ABCG1: variants seen among roughly 807,000 people sequenced by gnomAD.
ABCG1 encodes ATP-binding cassette sub-family G member 1.
A neutral mutation model predicts 69.2 loss-of-function variants in ABCG1; 29 were observed. That is an observed-to-expected ratio of 0.42 (90% CI 0.31 to 0.57). ABCG1 has a LOEUF of 0.57. ABCG1 is among the 20% of genes least tolerant of loss of function. The pLI, the probability that ABCG1 is intolerant of heterozygous loss-of-function variation, is 0.15. For synonymous variants in ABCG1, 370 were observed against 374.8 expected (o/e 0.99, Z 0.15); for missense variants, 718 against 898.1 (o/e 0.80, Z 2.56).
intron 2 of ABCG1, among the ~76,000 whole-genome samples, chr21:42,239,423 A>G (rs2123588656): frequency 6.6e-6 from 1 of 152,370 alleles, no homozygotes; most frequent in South Asian, 2.1e-4. Context: ...CTCATTCTAA[A>G]TGTGAAGTGT....
chr21:42,228,924 G>T (rs569687271), intron 2 of ABCG1, among the ~76,000 whole-genome samples: 3 of 152,248 alleles, frequency 2.0e-5, no homozygotes, highest in Non-Finnish European at 2.9e-5. Flanking sequence ...ATAACAGTGC[G>T]CATTAAATGC....
At chr21:42,224,712 A>G (rs2123517642) in intron 1 of ABCG1, among the ~76,000 whole-genome samples, 1 of 152,332 alleles carries the variant, frequency 6.6e-6, no homozygotes, top group East Asian at 1.9e-4. Flanking sequence ...AGCAAGAAAA[A>G]GCACAGCAAT....
chr21:42,284,640 C>A lies in ABCG1; in HGVS notation c.815C>A (p.Thr272Asn). ...CAAGGGGGTCGCTCCATCATTTGCA[C>A]CATCCACCAGCCCAGCGCCAAACTC... ...LAQGGRSIICTIHQPSAKLFE... is the reference protein window; with the variant it reads ...LAQGGRSIICNIHQPSAKLFE... Residue 272 changes from threonine (T) to asparagine (N), a missense_variant, in exon 7 of 15, where the codon ACC becomes AAC. Coordinates refer to ENST00000398449, the MANE Select transcript of ABCG1 (RefSeq NM_016818.3). 6.2e-7 allele frequency: 1 copy of A among 1,613,980 alleles called. No individual in the cohort carries two copies. The highest frequency in any genetic ancestry group is 1.6e-4 in the Middle Eastern group (1 of 6,062).
Position 42,288,301 on chromosome 21 carries a change from A to G in ABCG1, c.1213A>G (p.Met405Val). ...ILFKRTFLSI[M>V]RDSVLTHLRI... ...CTTCAAGAGGACCTTCCTCAGCATC[A>G]TGAGGGACTCGGTAAGGCTGCCCGC... Residue 405 changes from methionine to valine, a missense_variant, in exon 10 of 15, where the codon ATG (methionine) becomes GTG (valine). Transcript: ENST00000398449. The surrounding 1 kb of genome is among the most constrained non-coding windows in gnomAD (Gnocchi z 4.8). The G allele has an allele frequency of 1.2e-6, 2 of 1,604,454 alleles. No individual in the cohort carries two copies. The highest frequency in any genetic ancestry group is 1.7e-6 in the Non-Finnish European group (2 of 1,174,718).
intron 11 of ABCG1, among the ~76,000 whole-genome samples, chr21:42,290,890 C>G (rs557187734): frequency 6.6e-6 from 1 of 152,310 alleles, no homozygotes; most frequent in African/African-American, 2.4e-5. Context: ...CATCCTGATT[C>G]TCCACTCAAT....
chr21:42,241,977 C>CG (rs758561990), intron 2 of ABCG1, among the ~76,000 whole-genome samples: 13 of 94,256 alleles, frequency 1.4e-4, no homozygotes, highest in Non-Finnish European at 2.4e-4. Context: ...GACCCTGTCT[C>CG]AAAAAAAAAA....
intron 2 of ABCG1, 107 bp downstream of exon 2, chr21:42,226,021 C>CCATCTTTCAAGATGGAACTGTTT: frequency 7.7e-7 from 1 of 1,296,350 alleles, no homozygotes; most frequent in Non-Finnish European, 1.1e-6. Flanking sequence ...CTGAGCTTCT[C>CCATCTTTCAAGATGGAACTGTTT]TTCCCAACGC....
intron 2 of ABCG1, among the ~76,000 whole-genome samples, chr21:42,233,056 A>C (rs1475453908): frequency 6.6e-6 from 1 of 152,236 alleles, no homozygotes; most frequent in Non-Finnish European, 1.5e-5. Context: ...CAATGTACCC[A>C]GTGCCGACTG....
At chr21:42,280,688 G>A (rs2068792541) in intron 5 of ABCG1, among the ~76,000 whole-genome samples, 1 of 152,210 alleles carries the variant, frequency 6.6e-6, no homozygotes, top group Non-Finnish European at 1.5e-5. Flanking sequence ...CACCCACAGC[G>A]GCCTCCGCTT....
intron 2 of ABCG1, chr21:42,259,353 G>A (rs1189987103): frequency 6.5e-7 from 1 of 1,550,122 alleles, no homozygotes; most frequent in Non-Finnish European, 8.7e-7. Context: ...TTTAGCTTCT[G>A]CTAAACTGGA....
chr21:42,271,746 G>A (rs751206092), intron 3 of ABCG1, among the ~76,000 whole-genome samples: 12 of 152,256 alleles, frequency 7.9e-5, no homozygotes, highest in Admixed American at 1.3e-4. Flanking sequence ...TTAGCTGGGC[G>A]TGGTGGCAGG....
intron 2 of ABCG1, among the ~76,000 whole-genome samples, chr21:42,242,883 C>T (rs1198424579): frequency 6.6e-6 from 1 of 152,096 alleles, no homozygotes; most frequent in South Asian, 2.1e-4. Flanking sequence ...GCTGCACCCC[C>T]GGGGGTCTGA....
chr21:42,246,695 C>A (rs776470474), intron 2 of ABCG1, among the ~76,000 whole-genome samples: 2 of 152,028 alleles, frequency 1.3e-5, no homozygotes, highest in African/African-American at 2.4e-5. Flanking sequence ...AGGAAAAGAC[C>A]TTAAAGATTC....
intron 2 of ABCG1, chr21:42,256,220 C>T: frequency 6.9e-7 from 1 of 1,449,662 alleles, no homozygotes; most frequent in Non-Finnish European, 9.1e-7. Context: ...AGTGGTTTCC[C>T]ATACAAGAAA....
chr21:42,279,511 C>T (rs559753776), intron 5 of ABCG1, among the ~76,000 whole-genome samples: 5 of 152,212 alleles, frequency 3.3e-5, no homozygotes, highest in African/African-American at 7.2e-5. Flanking sequence ...TGCCCCGAGC[C>T]GAGCTTCACC....
At chr21:42,277,039 T>A in intron 5 of ABCG1, 94 bp downstream of exon 5, 1 of 1,376,690 alleles carries the variant, frequency 7.3e-7, no homozygotes, top group East Asian at 2.3e-5. Context: ...CATTGGCTTT[T>A]GTTTGTTGAT....
chr21:42,239,924 T>G (rs1288428858), intron 2 of ABCG1, among the ~76,000 whole-genome samples: 1 of 152,210 alleles, frequency 6.6e-6, no homozygotes, highest in East Asian at 1.9e-4. Flanking sequence ...AAGGTTCCCC[T>G]TTGGTCATTT....
chr21:42,279,690 C>T (rs1009483554), intron 5 of ABCG1, among the ~76,000 whole-genome samples: 10 of 152,248 alleles, frequency 6.6e-5, no homozygotes, highest in African/African-American at 1.7e-4. Context: ...CAGCCTTTTC[C>T]GGGGTAGCTG....
At chr21:42,285,069 G>T (rs534501202) in intron 7 of ABCG1, among the ~76,000 whole-genome samples, 1 of 152,116 alleles carries the variant, frequency 6.6e-6, no homozygotes. Context: ...CCTGGTGGTC[G>T]GTCATGGGAT....
Sources: allele counts gnomAD v4.1 joint callset (sites outside exome capture counted in the v4.1 genomes callset), GRCh38; gene constraint gnomAD v4.1.1; non-coding constraint Gnocchi (gnomAD v3.1); transcripts MANE v1.5; gene names NCBI Gene and HGNC (gene_info 2026-07-23, HGNC 2026-07-21).